Variants in NCOA2 observed in about 807,000 individuals in gnomAD.
NCOA2 encodes the protein nuclear receptor coactivator 2.
In NCOA2, 21 loss-of-function variants were observed where a neutral mutation model predicts 145.1. That is an observed-to-expected ratio of 0.14 (90% confidence interval 0.10 to 0.21). NCOA2 has a LOEUF of 0.21. Among genes scored for constraint, NCOA2 ranks in the 10% least tolerant of loss-of-function variants. The pLI, the probability that NCOA2 is intolerant of heterozygous loss-of-function variation, is 1.00. For synonymous variants in NCOA2, 619 were observed against 637.5 expected (o/e 0.97, Z 0.44); for missense variants, 1,472 against 1,837.6 (o/e 0.80, Z 3.64).
intron 2 of NCOA2, among the ~76,000 whole-genome samples, chr8:70,231,894 T>C (rs1476934071): frequency 6.6e-6 from 1 of 152,198 alleles, no homozygotes; most frequent in Non-Finnish European, 1.5e-5. Context: ...CCACAGTTAC[T>C]GAAGCATTCT....
At chr8:70,165,053 G>A (rs877181) in intron 7 of NCOA2, among the ~76,000 whole-genome samples, 115,363 of 152,080 alleles carry the variant, frequency 0.76, 44,856 homozygotes, top group Non-Finnish European at 0.84. Context: ...AACATAGAAC[G>A]TACTTTTAAA....
chr8:70,172,972 C>A (rs1814421601), intron 5 of NCOA2, among the ~76,000 whole-genome samples: 1 of 152,068 alleles, frequency 6.6e-6, no homozygotes, highest in Admixed American at 6.5e-5. Flanking sequence ...TGCCTAGGAA[C>A]AGCTCCATGA....
chr8:70,218,051 A>C (rs1300460608), intron 2 of NCOA2, among the ~76,000 whole-genome samples: 2 of 152,138 alleles, frequency 1.3e-5, no homozygotes, highest in Non-Finnish European at 2.9e-5. Context: ...ATCAAGAGTA[A>C]GGACAAAGAG....
chr8:70,373,257 G>A (rs903592521), intron 1 of NCOA2, among the ~76,000 whole-genome samples: 11 of 152,026 alleles, frequency 7.2e-5, no homozygotes, highest in African/African-American at 2.7e-4. Context: ...CCCTGCACTT[G>A]GTATTCTCAC....
intron 2 of NCOA2, among the ~76,000 whole-genome samples, chr8:70,292,546 C>CA (rs1826775791): frequency 8.8e-6 from 1 of 113,654 alleles, no homozygotes; most frequent in Non-Finnish European, 1.7e-5. Flanking sequence ...GACTCCATCT[C>CA]AGGAAAAAAA....
At chr8:70,398,185 C>T (rs7823389) in intron 1 of NCOA2, among the ~76,000 whole-genome samples, 4,035 of 152,260 alleles carry the variant, frequency 0.027, 168 homozygotes, top group African/African-American at 0.092. Context: ...TGGCCAGGTA[C>T]GGTGGCTAAT....
At chr8:70,419,527 C>CT in the NCOA2 span, among the ~76,000 whole-genome samples, 16 of 151,954 alleles carry the variant, frequency 1.1e-4, no homozygotes, top group African/African-American at 3.9e-4. Flanking sequence ...GGCTCTTTTA[C>CT]TTTTTTTGCC....
At chr8:70,227,816 ACCAGGCTGG>A (rs1216718423) in intron 2 of NCOA2, among the ~76,000 whole-genome samples, 1 of 152,108 alleles carries the variant, frequency 6.6e-6, no homozygotes, top group African/African-American at 2.4e-5. Context: ...GGAGTTTGAG[ACCAGGCTGG>A]CCAACATGGT....
chr8:70,261,841 C>T (rs185899173), intron 2 of NCOA2, among the ~76,000 whole-genome samples: 6 of 152,050 alleles, frequency 3.9e-5, no homozygotes, highest in Middle Eastern at 6.8e-3. Flanking sequence ...TAACCCTCTC[C>T]CTTGCTTATA....
the NCOA2 span, among the ~76,000 whole-genome samples, chr8:70,414,874 TA>T: frequency 6.6e-6 from 1 of 152,148 alleles, no homozygotes; most frequent in Admixed American, 6.5e-5. Flanking sequence ...GTTATATTCA[TA>T]ACTAAGATGC....
chr8:70,332,354 A>C (rs1488834931), intron 1 of NCOA2, among the ~76,000 whole-genome samples: 1 of 152,200 alleles, frequency 6.6e-6, no homozygotes, highest in Middle Eastern at 3.2e-3. Context: ...TTAATAATTA[A>C]AAGAAAACTA....
chr8:70,416,220 G>C, the NCOA2 span, among the ~76,000 whole-genome samples: 2 of 145,796 alleles, frequency 1.4e-5, no homozygotes, highest in African/African-American at 5.2e-5. Flanking sequence ...CTCTTAATGC[G>C]CTCAGCTGAT....
rs553613043 is a variant in NCOA2, at chr8:70,347,869, T to C, written c.-76-51069A>G. Among the ~76,000 whole-genome samples the C allele has an allele frequency of 3.3e-5, 5 of 152,314 alleles. No homozygotes were observed. In the East Asian group the frequency reaches 9.6e-4, roughly 29 times the overall value. ...CATGCAGCTACATCTCTAAAATAGATAAATTTACTGGACTTCTGTATTGTT... is the reference window on the plus strand; with the variant it reads ...CATGCAGCTACATCTCTAAAATAGACAAATTTACTGGACTTCTGTATTGTT... On this transcript the variant is annotated intron_variant, in intron 1 of 22. Transcript: ENST00000452400.
chr8:70,165,781 T>C (rs1813545814), intron 7 of NCOA2, among the ~76,000 whole-genome samples: 3 of 152,166 alleles, frequency 2.0e-5, no homozygotes, highest in Admixed American at 2.0e-4. Flanking sequence ...CATTAACCCC[T>C]TGAAAGTATA....
rs114589488 is a variant in NCOA2, at chr8:70,122,924, A to C, written c.4293+960T>G. On this transcript the variant is annotated intron_variant, in intron 21 of 22. Transcript: ENST00000452400. ...CCATACTGCACTTTCTCCTTATATG[A>C]AATAAGAGTCAAGGTCTTGCCATAT... Among the ~76,000 whole-genome samples the C allele has an allele frequency of 7.7e-3, 1,167 of 152,332 alleles. 10 individuals carry two copies. The highest frequency in any genetic ancestry group is 0.026 in the African/African-American group (1,074 of 41,578).
At chr8:70,310,297 T>A (rs1828216365) in intron 1 of NCOA2, among the ~76,000 whole-genome samples, 1 of 130,262 alleles carries the variant, frequency 7.7e-6, no homozygotes, top group Non-Finnish European at 1.5e-5. Context: ...TGAGCCAAGA[T>A]CACACCACTG....
chr8:70,424,246 T>C, the NCOA2 span: 1 of 380,134 alleles, frequency 2.6e-6, no homozygotes, highest in South Asian at 2.2e-5. Flanking sequence ...CTTCTTCAGT[T>C]GCTCCAGGTC....
chr8:70,402,319 G>C (rs914658721), intron 1 of NCOA2: 1 of 152,376 alleles, frequency 6.6e-6, no homozygotes, highest in Non-Finnish European at 1.5e-5. Flanking sequence ...TTCAGGCTCG[G>C]TCTCTGGTTT....
intron 11 of NCOA2, 126 bp from the exon 12 acceptor site, chr8:70,148,609 T>C: frequency 1.3e-6 from 1 of 754,382 alleles, no homozygotes; most frequent in Non-Finnish European, 2.2e-6. Flanking sequence ...GATTCCTGCA[T>C]ACCACAGGCC....
Sources: gnomAD v4.1 joint callset for allele counts (sites outside exome capture counted in the v4.1 genomes callset) on GRCh38, gnomAD v4.1.1 for gene constraint, MANE v1.5 for transcripts, NCBI Gene and HGNC (gene_info 2026-07-23, HGNC 2026-07-21) for gene names.